ARRB1: variants seen among roughly 807,000 people sequenced by gnomAD.
ARRB1 encodes the protein arrestin beta 1, also known as beta-arrestin-1.
Under a neutral mutation model 56.8 loss-of-function variants are expected in ARRB1, and 21 were observed. The observed-to-expected ratio is 0.37, with a 90% CI of 0.26 to 0.53. The LOEUF is 0.53. ARRB1 is among the 20% of genes least tolerant of loss of function. ARRB1 has a pLI of 0.88. For missense variants in ARRB1, 424 were observed against 553.7 expected (o/e 0.77, Z 2.35); for synonymous variants, 210 against 218.6 (o/e 0.96, Z 0.35).
chr11:75,327,483 G>A (rs2140503191), intron 1 of ARRB1, among the ~76,000 whole-genome samples: 1 of 152,008 alleles, frequency 6.6e-6, no homozygotes, highest in Non-Finnish European at 1.5e-5. Flanking sequence ...ATAATTTATT[G>A]AGGTGGGTGC....
At chr11:75,307,550 G>C (rs999469876) in intron 1 of ARRB1, among the ~76,000 whole-genome samples, 4 of 152,148 alleles carry the variant, frequency 2.6e-5, no homozygotes, top group Admixed American at 1.3e-4. Flanking sequence ...GGAGTGTCCT[G>C]GAGGACAGGG....
intron 14 of ARRB1, among the ~76,000 whole-genome samples, chr11:75,268,344 A>C (rs1945985684): frequency 6.6e-6 from 1 of 151,910 alleles, no homozygotes; most frequent in South Asian, 2.1e-4. Flanking sequence ...GTCTCTACTA[A>C]AAATACAAAA....
chr11:75,271,839 G>A, intron 12 of ARRB1, 115 bp from the exon 13 acceptor site: 4 of 1,141,472 alleles, frequency 3.5e-6, no homozygotes, highest in Non-Finnish European at 5.0e-6. Flanking sequence ...AAGACCCACG[G>A]GACACACTCC....
chr11:75,304,512 C>G (rs951946661), intron 1 of ARRB1, among the ~76,000 whole-genome samples: 1 of 151,968 alleles, frequency 6.6e-6, no homozygotes, highest in African/African-American at 2.4e-5. Flanking sequence ...CTCATAAGAG[C>G]CAAGTGTCAC....
At chr11:75,310,533 G>A (rs531815513) in intron 1 of ARRB1, among the ~76,000 whole-genome samples, 18 of 152,316 alleles carry the variant, frequency 1.2e-4, no homozygotes, top group African/African-American at 4.1e-4. Context: ...ACCGGCACCA[G>A]GCAGTGGGAC....
intron 8 of ARRB1, among the ~76,000 whole-genome samples, chr11:75,278,153 C>G (rs932803385): frequency 1.3e-5 from 2 of 152,228 alleles, no homozygotes; most frequent in African/African-American, 2.4e-5. Flanking sequence ...GAGGGGCCAG[C>G]CTAAGCTCAC....
chr11:75,263,006 C>T lies in ARRB1; in HGVS notation c.*3157G>A, dbSNP rs750921446. ...GGCTCTCTGCTCGGTGGGTTTTCAC[C>T]GGGGCATGCTTTTCCTTCCTGCCCG... On this transcript the variant is annotated 3_prime_UTR_variant, in exon 16 of 16. Transcript: ENST00000420843. Among the ~76,000 whole-genome samples the T allele has an allele frequency of 3.9e-4, 60 of 152,170 alleles. 1 individual carries two copies. The highest frequency in any genetic ancestry group is 4.3e-4 in the African/African-American group (18 of 41,428).
Position 75,264,985 on chromosome 11 carries a change from C to T in ARRB1, c.*1178G>A, listed in dbSNP as rs1215080242. The stretch of plus-strand genomic sequence containing the variant: ...ACTGGGAGCTATTGGAGGTCATCAA[C>T]TCACCAAGAAAAGAAGGGGCTTATT... On this transcript the variant is annotated 3_prime_UTR_variant, in exon 16 of 16. Coordinates refer to ENST00000420843, the MANE Select transcript of ARRB1 (RefSeq NM_004041.5). The T allele has an allele frequency of 6.7e-6, 1 of 150,226 alleles. No individual in the cohort carries two copies. Among genetic ancestry groups the T allele is most frequent in the Non-Finnish European group, 1.5e-5 (1 of 66,692 alleles). 9.3% of individuals were successfully genotyped at this position (150,226 alleles called of 1,614,324 possible).
In ARRB1 at chr11:75,277,380, C is replaced by T. The variant is rs930636546; in HGVS notation, c.687G>A (p.Lys229=). ...HVTNNTNKTV[K]KIKISVRQYA... ...CTGGGATACCTGAGATCTTGATCTT[C>T]TTCACCGTCTTGTTGGTGTTGTTGG... Residue 229 remains lysine (K), a synonymous_variant, in exon 9 of 16, where the codon AAG becomes AAA. Coordinates refer to ENST00000420843, the MANE Select transcript of ARRB1 (RefSeq NM_004041.5). 2 of 1,614,090 alleles carry T rather than the reference C, an allele frequency of 1.2e-6. No homozygotes were observed. Among genetic ancestry groups the T allele is most frequent in the South Asian group, 1.1e-5 (1 of 91,088 alleles).
rs1328983687 is a variant in ARRB1 at position 75,266,074 on chromosome 11, G to A, written c.*89C>T. ...CTGGTAGAAACTGGAAGAACAAAGG[G>A]GAAAAGAAACCAGAACAGGAAGAAG... On this transcript the variant is annotated 3_prime_UTR_variant, in exon 16 of 16. Transcript: ENST00000420843. 36 of 1,194,040 alleles carry A rather than the reference G, an allele frequency of 3.0e-5. No homozygotes were observed. Among genetic ancestry groups the A allele is most frequent in the Non-Finnish European group, 4.1e-5 (33 of 810,342 alleles). 74.0% of individuals were successfully genotyped at this position (1,194,040 alleles called of 1,614,324 possible). A position where few individuals can be genotyped will look rare whatever the true frequency, so the allele number is the denominator to read the frequency against.
chr11:75,305,095 A>T (rs868554468), intron 1 of ARRB1, among the ~76,000 whole-genome samples: 1 of 135,978 alleles, frequency 7.4e-6, no homozygotes, highest in Non-Finnish European at 1.5e-5. Context: ...CAGTGACATG[A>T]TCTCGGCTCA....
intron 1 of ARRB1, among the ~76,000 whole-genome samples, chr11:75,330,611 A>G (rs1477017094): frequency 6.6e-6 from 1 of 152,208 alleles, no homozygotes; most frequent in Non-Finnish European, 1.5e-5. Context: ...GGCCAAGAGA[A>G]AGGGTCTGCT....
At chr11:75,318,353 C>T (rs1947296702) in intron 1 of ARRB1, among the ~76,000 whole-genome samples, 1 of 151,960 alleles carries the variant, frequency 6.6e-6, no homozygotes, top group Non-Finnish European at 1.5e-5. Context: ...GAGACAAGGT[C>T]TCACTATGTT....
At chr11:75,297,522 C>CAAAA in intron 1 of ARRB1, among the ~76,000 whole-genome samples, 1 of 151,556 alleles carries the variant, frequency 6.6e-6, no homozygotes. Context: ...TGGATAGTCG[C>CAAAA]ACAAAAAAAA....
At chr11:75,295,604 C>G (rs565450232) in intron 1 of ARRB1, among the ~76,000 whole-genome samples, 1 of 152,214 alleles carries the variant, frequency 6.6e-6, no homozygotes, top group Non-Finnish European at 1.5e-5. Flanking sequence ...AACCTTAACT[C>G]CATCTGCAAC....
chr11:75,335,402 T>C (rs1161251482), intron 1 of ARRB1, among the ~76,000 whole-genome samples: 1 of 152,120 alleles, frequency 6.6e-6, no homozygotes, highest in East Asian at 1.9e-4. Context: ...CTGGGCAATG[T>C]AGCAAAACCA....
intron 1 of ARRB1, among the ~76,000 whole-genome samples, chr11:75,311,062 C>T (rs1055205960): frequency 3.9e-5 from 6 of 152,192 alleles, no homozygotes; most frequent in African/African-American, 1.4e-4. Context: ...CAGGGCCAGG[C>T]GCGGTGGCTC....
intron 1 of ARRB1, among the ~76,000 whole-genome samples, chr11:75,324,877 C>A (rs557891376): frequency 6.6e-6 from 1 of 152,254 alleles, no homozygotes. Context: ...TCTCTAACCA[C>A]CCCCACCCCT....
chr11:75,291,203 G>T (rs1650541883), intron 1 of ARRB1, among the ~76,000 whole-genome samples: 1 of 152,166 alleles, frequency 6.6e-6, no homozygotes, highest in African/African-American at 2.4e-5. Flanking sequence ...TGGGCATGGT[G>T]GTGGGTGCTT....
Sources: gnomAD v4.1 joint callset for allele counts (sites outside exome capture counted in the v4.1 genomes callset) on GRCh38, gnomAD v4.1.1 for gene constraint, MANE v1.5 for transcripts, NCBI Gene and HGNC (gene_info 2026-07-23, HGNC 2026-07-21) for gene names.